PDE4D: variants seen among roughly 807,000 people sequenced by gnomAD.
PDE4D encodes 3',5'-cyclic-AMP phosphodiesterase 4D.
In PDE4D, 24 loss-of-function variants were observed where a neutral mutation model predicts 87.4. The ratio of observed to expected loss-of-function variants is 0.27; its 90% CI spans 0.20 to 0.39. The LOEUF is 0.39. Among genes scored for constraint, PDE4D ranks in the 10% least tolerant of loss-of-function variants. PDE4D has a pLI of 1.00. For missense variants in PDE4D, 714 were observed against 1,041.0 expected, an observed-to-expected ratio of 0.69 and a Z score of 4.32; for synonymous variants, 384 against 383.2, an observed-to-expected ratio of 1.00 and a Z score of -0.02.
At chr5:59,445,933 A>C (rs568910299) in intron 1 of PDE4D, among the ~76,000 whole-genome samples, 2 of 152,326 alleles carry the variant, frequency 1.3e-5, no homozygotes, top group Admixed American at 6.5e-5. Flanking sequence ...ATGGTCATAC[A>C]TACCTGAGTG....
intron 2 of PDE4D, among the ~76,000 whole-genome samples, chr5:60,104,181 T>TA (rs936561360): frequency 1.3e-5 from 2 of 152,166 alleles, no homozygotes; most frequent in African/African-American, 2.4e-5. Context: ...TCCCACGGGC[T>TA]AAAAAAACGG....
chr5:60,406,510 G>A (rs1741546709), intron 1 of PDE4D, among the ~76,000 whole-genome samples: 1 of 152,130 alleles, frequency 6.6e-6, no homozygotes, highest in African/African-American at 2.4e-5. Flanking sequence ...ATGGCAAATT[G>A]ATATATAGTC....
chr5:59,655,904 A>G (rs1218789370), intron 1 of PDE4D, among the ~76,000 whole-genome samples: 1 of 152,214 alleles, frequency 6.6e-6, no homozygotes, highest in African/African-American at 2.4e-5. Context: ...GTTCAAGTCT[A>G]GATCACTTCA....
At chr5:59,186,272 T>C (rs1742891061) in intron 3 of PDE4D, among the ~76,000 whole-genome samples, 1 of 152,204 alleles carries the variant, frequency 6.6e-6, no homozygotes, top group Admixed American at 6.5e-5. Context: ...GCAACCTCTT[T>C]GTACCTCAGC....
chr5:59,687,721 T>C (rs1750137303), intron 1 of PDE4D, among the ~76,000 whole-genome samples: 2 of 152,108 alleles, frequency 1.3e-5, no homozygotes, highest in South Asian at 2.1e-4. Context: ...CATAACAATA[T>C]TAACCTTAAA....
intron 1 of PDE4D, among the ~76,000 whole-genome samples, chr5:59,882,770 C>CTT (rs34177348): frequency 1.4e-4 from 19 of 139,566 alleles, no homozygotes; most frequent in East Asian, 8.5e-4. Flanking sequence ...TCCTTTCCTT[C>CTT]TTTTTTTTTT....
intron 1 of PDE4D, among the ~76,000 whole-genome samples, chr5:59,442,084 G>A (rs1797708670): frequency 6.6e-6 from 1 of 152,140 alleles, no homozygotes; most frequent in Non-Finnish European, 1.5e-5. Context: ...AAGTGATAGT[G>A]AGATTATGGC....
At chr5:60,357,291 A>G (rs1034819727) in intron 1 of PDE4D, among the ~76,000 whole-genome samples, 1 of 152,118 alleles carries the variant, frequency 6.6e-6, no homozygotes, top group South Asian at 2.1e-4. Flanking sequence ...CTGCTACTAA[A>G]TAATTTTTTG....
At chr5:59,332,345 A>C (rs1361437744) in intron 1 of PDE4D, among the ~76,000 whole-genome samples, 1 of 152,132 alleles carries the variant, frequency 6.6e-6, no homozygotes, top group Non-Finnish European at 1.5e-5. Context: ...AACTGAGAGA[A>C]ACACTGTTAT....
At chr5:60,110,576 T>TA (rs1455502032) in intron 2 of PDE4D, among the ~76,000 whole-genome samples, 1 of 152,104 alleles carries the variant, frequency 6.6e-6, no homozygotes, top group African/African-American at 2.4e-5. Context: ...GTATAGCCAT[T>TA]ATGGAAAACA....
At chr5:60,396,972 C>T (rs970471622) in intron 1 of PDE4D, among the ~76,000 whole-genome samples, 20 of 152,148 alleles carry the variant, frequency 1.3e-4, no homozygotes, top group African/African-American at 4.3e-4. Flanking sequence ...GCCCATTTTC[C>T]GGCCTCACAA....
chr5:59,443,552 G>T (rs1005409662), intron 1 of PDE4D, among the ~76,000 whole-genome samples: 2 of 152,126 alleles, frequency 1.3e-5, no homozygotes, highest in Non-Finnish European at 2.9e-5. Flanking sequence ...GACAGAAAAG[G>T]CCGGGTCATC....
Position 60,471,176 on chromosome 5 carries a change from A to G in PDE4D, c.-90+16766T>C, listed in dbSNP as rs188957991. Among the ~76,000 whole-genome samples, 282 of 152,276 alleles carry G rather than the reference A, an allele frequency of 1.9e-3. 1 individual carries two copies. Among genetic ancestry groups the G allele is most frequent in the African/African-American group, 6.6e-3 (273 of 41,574 alleles). On this transcript the variant is annotated intron_variant, in intron 1 of 16. Coordinates refer to the PDE4D transcript ENST00000502484. ...ATGGCTTTGAGTGGTTCAAGATTTTAGGGGAGGAAGTCACTGCAGATGTGG... is the reference window on the plus strand; with the variant it reads ...ATGGCTTTGAGTGGTTCAAGATTTTGGGGGAGGAAGTCACTGCAGATGTGG...
intron 2 of PDE4D, among the ~76,000 whole-genome samples, chr5:60,110,347 A>T (rs942912279): frequency 6.6e-6 from 1 of 152,138 alleles, no homozygotes; most frequent in Non-Finnish European, 1.5e-5. Context: ...AAGGTGATTC[A>T]AAAGTGGGCA....
intron 1 of PDE4D, among the ~76,000 whole-genome samples, chr5:59,672,331 G>A (rs1314594793): frequency 3.3e-5 from 5 of 152,070 alleles, no homozygotes; most frequent in Admixed American, 3.3e-4. Context: ...AAACCAACAA[G>A]CATGTACCTA....
At chr5:59,631,685 A>G (rs1190773188) in intron 1 of PDE4D, among the ~76,000 whole-genome samples, 1 of 152,160 alleles carries the variant, frequency 6.6e-6, no homozygotes, top group Non-Finnish European at 1.5e-5. Context: ...GTCATGAGGG[A>G]CTGTGCCGTG....
At chr5:59,078,217 A>C (rs1766051013) in intron 5 of PDE4D, among the ~76,000 whole-genome samples, 1 of 152,232 alleles carries the variant, frequency 6.6e-6, no homozygotes, top group African/African-American at 2.4e-5. Flanking sequence ...AAATAGTTAA[A>C]GGATAAACTT....
rs562979318 is a variant in PDE4D at position 59,263,779 on chromosome 5, A to C, written c.456-47811T>G. ...ATAAAATTCAAAAGCAGGAAATTTAAAAAGTTTGTGATTTTCAAAATCAGG... is the reference window on the plus strand; with the variant it reads ...ATAAAATTCAAAAGCAGGAAATTTACAAAGTTTGTGATTTTCAAAATCAGG... On this transcript the variant is annotated intron_variant, in intron 1 of 14. Coordinates refer to ENST00000340635, the MANE Select transcript of PDE4D (RefSeq NM_001104631.2). Among the ~76,000 whole-genome samples the C allele has an allele frequency of 2.0e-5, 3 of 152,082 alleles. No individual in the cohort carries two copies. The East Asian group carries it at 5.8e-4, about 29-fold the overall frequency.
intron 1 of PDE4D, among the ~76,000 whole-genome samples, chr5:59,873,258 A>AT (rs1016715419): frequency 1.3e-5 from 2 of 152,214 alleles, no homozygotes; most frequent in African/African-American, 4.8e-5. Context: ...GATGACACAG[A>AT]TTTTTAAGGG....
Sources: gnomAD v4.1 joint callset for allele counts (sites outside exome capture counted in the v4.1 genomes callset) on GRCh38, gnomAD v4.1.1 for gene constraint, MANE v1.5 for transcripts, NCBI Gene and HGNC (gene_info 2026-07-23, HGNC 2026-07-21) for gene names.